The following TTN variants were observed in gnomAD, a reference collection of about 807,000 sequenced individuals.
The protein encoded by TTN is titin, also known as connectin.
TTN carries 1,525 observed loss-of-function variants against 3,223.0 expected under a neutral mutation model. The ratio of observed to expected loss-of-function variants is 0.47; its 90% CI spans 0.45 to 0.49. The LOEUF is 0.49. TTN is among the 20% of genes least tolerant of loss of function. The pLI is 0.00. For synonymous variants in TTN, 14,094 were observed against 15,161.0 expected, an observed-to-expected ratio of 0.93 and a Z score of 5.17; for missense variants, 40,786 against 43,424.0, an observed-to-expected ratio of 0.94 and a Z score of 5.40.
rs561151785 is a variant in TTN at position 178,734,179 on chromosome 2, C to G, written c.15496+149G>C. 139 of 971,850 alleles carry G rather than the reference C, an allele frequency of 1.4e-4. 3 individuals carry two copies. The East Asian group carries it at 3.2e-3, about 22-fold the overall frequency. 60.2% of individuals were successfully genotyped at this position (971,850 alleles called of 1,614,324 possible). On this transcript the variant is annotated intron_variant, in intron 52 of 362. Coordinates refer to ENST00000589042, the MANE Select transcript of TTN (RefSeq NM_001267550.2). Reference sequence around the variant, plus strand: ...CGGGAAAAAGACCAGGTGAAAGTTACTGACTTTGTTCCCAAGGTCCCAGGT... The same window carrying G: ...CGGGAAAAAGACCAGGTGAAAGTTAGTGACTTTGTTCCCAAGGTCCCAGGT...
Position 178,771,390 on chromosome 2 carries a change from G to A in TTN, c.7937C>T (p.Pro2646Leu), listed in dbSNP as rs1303067253. The change falls in exon 34 of 363, where the codon CCA (proline) becomes CTA (leucine). Residue 2646 changes from proline (P) to leucine (L), a missense_variant. Coordinates refer to ENST00000589042, the MANE Select transcript of TTN (RefSeq NM_001267550.2). ...EAVFECEVAN[P>L]DSKGEWLRDG... ...CCTCAACCATTCGCCTTTGGAATCT[G>A]GGTTGGCAACTTCACATTCAAACAC... 6.2e-7 allele frequency: 1 copy of A among 1,613,982 alleles called. No homozygotes were observed. Among genetic ancestry groups the A allele is most frequent in the East Asian group, 2.2e-5 (1 of 44,844 alleles).
intron 151 of TTN, among the ~76,000 whole-genome samples, 196 bp from the exon 152 acceptor site, chr2:178,673,906 A>C (rs2067493794): frequency 6.6e-6 from 1 of 151,804 alleles, no homozygotes; most frequent in Non-Finnish European, 1.5e-5. Context: ...AAGCAAATGT[A>C]ATACCAATTA....
chr2:178,605,477 C>T lies in TTN; in HGVS notation c.53818G>A (p.Val17940Ile). The part of the protein sequence containing the change: ...HQMYEFRVKA[V>I]NEIGESEPSL... ...GGTTCACTTTCACCAATTTCATTGA[C>T]AGCTTTGACACGGAACTCATACATT... The change falls in exon 279 of 363, where the codon GTC becomes ATC. Residue 17940 changes from valine (V) to isoleucine (I), a missense_variant. Transcript: ENST00000589042. 1 of 1,611,798 alleles carries T rather than the reference C, an allele frequency of 6.2e-7. No homozygotes were observed. Among genetic ancestry groups the T allele is most frequent in the Non-Finnish European group, 8.5e-7 (1 of 1,178,660 alleles).
In TTN at chr2:178,692,516, C is replaced by T. The variant is rs767178132; in HGVS notation, c.31659G>A (p.Val10553=). The T allele has an allele frequency of 1.9e-6, 3 of 1,585,754 alleles. No homozygotes were observed. Among genetic ancestry groups the T allele is most frequent in the Admixed American group, 3.6e-5 (2 of 55,952 alleles). The change falls in exon 120 of 363, where the codon GTG becomes GTA. Residue 10553 remains valine, a synonymous_variant. Transcript: ENST00000589042. The part of the protein sequence containing the change: ...EVAPVPIPKK[V]EPPAPKVPEV... ...TTCTACCTTTTGGTGCTGGGGGCTC[C>T]ACTTTTTTAGGGATAGGAACAGGGG...
chr2:178,567,569 A>G lies in TTN; in HGVS notation c.78563T>C (p.Val26188Ala), dbSNP rs149994923. 19 of 1,609,376 alleles carry G rather than the reference A, an allele frequency of 1.2e-5. No homozygotes were observed. The highest frequency in any genetic ancestry group is 5.0e-5 in the Admixed American group (3 of 59,708). Reference sequence around the variant, plus strand: ...ATCCATTGAAATTCTTGGGAGTTCAACCTCATCCTTGGCAGTTATTGGTCC... The same window carrying G: ...ATCCATTGAAATTCTTGGGAGTTCAGCCTCATCCTTGGCAGTTATTGGTCC... ...STGPITAKDE[V>A]ELPRISMDPK... The change falls in exon 326 of 363, where the codon GTT becomes GCT. Residue 26188 changes from valine (V) to alanine (A), a missense_variant. Physicochemically the swap from Val to Ala is moderately conservative, Grantham distance 64. Coordinates refer to ENST00000589042, the MANE Select transcript of TTN (RefSeq NM_001267550.2).
At position 178,799,540 on chromosome 2, in the gene TTN, T is replaced by A; in HGVS notation, c.861A>T (p.Arg287Ser). Residue 287 changes from arginine to serine, a missense_variant, in exon 6 of 363, where the codon AGA (arginine) becomes AGT (serine). By Grantham distance (110) the Arg-to-Ser change is moderately radical (BLOSUM62 -1). Transcript: ENST00000589042. Reference sequence around the variant, plus strand: ...CGTGTCTGACCGGGGAAGGGGAGTGTCTTATGGGCGATGGGGACTGCTGCC... The same window carrying A: ...CGTGTCTGACCGGGGAAGGGGAGTGACTTATGGGCGATGGGGACTGCTGCC... ...LARQQSPSPIRHSPSPVRHVR... is the reference protein window; with the variant it reads ...LARQQSPSPISHSPSPVRHVR... The A allele has an allele frequency of 2.5e-6, 4 of 1,613,996 alleles. No individual in the cohort carries two copies. Among genetic ancestry groups the A allele is most frequent in the Non-Finnish European group, 3.4e-6 (4 of 1,179,990 alleles).
At chr2:178,537,279 A>T (rs1314487990) in intron 355 of TTN, 36 bp from the exon 356 acceptor site, 2 of 1,541,732 alleles carry the variant, frequency 1.3e-6, no homozygotes, top group African/African-American at 2.8e-5. Context: ...TGGTTTTCAT[A>T]GTGTGTTTTT....
Position 178,611,266 on chromosome 2 carries a change from G to C in TTN, c.50863C>G (p.Pro16955Ala). 6.2e-7 allele frequency: 1 copy of C among 1,611,872 alleles called. No homozygotes were observed. The highest frequency in any genetic ancestry group is 8.5e-7 in the Non-Finnish European group (1 of 1,179,060). Residue 16955 changes from proline to alanine, a missense_variant, in exon 270 of 363, where the codon CCA becomes GCA. Physicochemically the swap from Pro to Ala is conservative, Grantham distance 27. Coordinates refer to ENST00000589042, the MANE Select transcript of TTN (RefSeq NM_001267550.2). ...TCATGAGTCTCCAGGTCAATTGTTGGCTTGCCTGTAAGATATCATTCAAAA... is the reference window on the plus strand; with the variant it reads ...TCATGAGTCTCCAGGTCAATTGTTGCCTTGCCTGTAAGATATCATTCAAAA... ...NVVAKDPDCK[P>A]TIDLETHDII...
rs1290451630 is a variant in TTN at position 178,688,795 on chromosome 2, A to C, written c.32096-17T>G. 2 of 1,568,480 alleles carry C rather than the reference A, an allele frequency of 1.3e-6. No homozygotes were observed. The highest frequency in any genetic ancestry group is 1.8e-6 in the Non-Finnish European group (2 of 1,140,252). ...AGACTTCAGCTTTAAGAAAGTGTTA[A>C]AGTTGAAGTTTAAAATCAAGAATTT... On this transcript the variant is annotated splice_polypyrimidine_tract_variant and intron_variant, in intron 125 of 362. Coordinates refer to ENST00000589042, the MANE Select transcript of TTN (RefSeq NM_001267550.2).
In TTN at chr2:178,572,362, A is replaced by G. The variant is rs201380749; in HGVS notation, c.73770T>C (p.Tyr24590=). 148 of 1,612,570 alleles carry G rather than the reference A, an allele frequency of 9.2e-5. No homozygotes were observed. Among genetic ancestry groups the G allele is most frequent in the East Asian group, 4.7e-4 (21 of 44,712 alleles). The change falls in exon 326 of 363, where the codon TAT becomes TAC. Residue 24590 remains tyrosine, a synonymous_variant. Transcript: ENST00000589042. The part of the protein sequence containing the change: ...VDQLQEGCSY[Y]FRVLAENEYG... ...ATTCATTTTCTGCGAGAACCCTGAA[A>G]TAGTAGCTACAGCCTTCTTGAAGCT...
rs2154139349 is a variant in TTN at position 178,538,775 on chromosome 2, C to CT, written c.99053dup (p.Trp33019ValfsTer5). 6.2e-7 allele frequency: 1 copy of CT among 1,613,696 alleles called. No homozygotes were observed. The highest frequency in any genetic ancestry group is 8.5e-7 in the Non-Finnish European group (1 of 1,179,714). On this transcript the variant is annotated frameshift_variant, in exon 354 of 363. Transcript: ENST00000589042. LOFTEE classifies it high-confidence loss of function. ...CACCATCACATTCAGGTTTCTCCCA[C>CT]TGTAGAGTGACACTATCTTTGGATA...
rs1707221923 is a variant in TTN at position 178,569,246 on chromosome 2, C to T, written c.76886G>A (p.Gly25629Glu). The T allele has an allele frequency of 1.2e-6, 2 of 1,603,790 alleles. No homozygotes were observed. Among genetic ancestry groups the T allele is most frequent in the South Asian group, 1.1e-5 (1 of 89,416 alleles). Residue 25629 changes from glycine (G) to glutamate (E), a missense_variant, in exon 326 of 363, where the codon GGG becomes GAG. Physicochemically the swap from Gly to Glu is moderately conservative, Grantham distance 98. Coordinates refer to ENST00000589042, the MANE Select transcript of TTN (RefSeq NM_001267550.2). ...SITWEPPLLD[G>E]GSKIKNYIVE... Reference sequence around the variant, plus strand: ...AATGTAATTTTTTATTTTGGATCCCCCATCCAACAAAGGAGGTTCCCATGT... The same window carrying T: ...AATGTAATTTTTTATTTTGGATCCCTCATCCAACAAAGGAGGTTCCCATGT...
Position 178,563,472 on chromosome 2 carries a change from C to G in TTN, c.82660G>C (p.Glu27554Gln). ...VAAENAAGVG[E>Q]PSEPSVFYRA... ...TAGAAAACAGATGGCTCACTAGGTT[C>G]TCCCACACCAGCTGCATTTTCAGCA... Residue 27554 changes from glutamate to glutamine, a missense_variant, in exon 326 of 363, where the codon GAA (glutamate) becomes CAA (glutamine). Transcript: ENST00000589042. This position sits in a 1 kb window ranked among gnomAD's most constrained non-coding sequence, Gnocchi z 4.5. 1 of 1,613,690 alleles carries G rather than the reference C, an allele frequency of 6.2e-7. No individual in the cohort carries two copies. The highest frequency in any genetic ancestry group is 1.3e-5 in the African/African-American group (1 of 75,022).
rs1368898022 is a variant in TTN, at chr2:178,607,520, AC to A, written c.53167del (p.Val17723LeufsTer7). 6.2e-7 allele frequency: 1 copy of A among 1,613,032 alleles called. No homozygotes were observed. The highest frequency in any genetic ancestry group is 1.3e-5 in the African/African-American group (1 of 74,832). On this transcript the variant is annotated frameshift_variant, in exon 277 of 363. Coordinates refer to ENST00000589042, the MANE Select transcript of TTN (RefSeq NM_001267550.2). LOFTEE classifies it high-confidence loss of function. ...LDKDRVVIDN[V>X]GTKSELIIKD... is the part of the protein sequence containing the mutation. ...GATAATTAGTTCAGATTTGGTTCCA[AC>A]GTTGTCTATTACAACACGGTCTTTA...
At chr2:178,648,471 A>T (rs185032392) in intron 213 of TTN, among the ~76,000 whole-genome samples, 127 of 152,018 alleles carry the variant, frequency 8.4e-4, no homozygotes, top group Admixed American at 2.3e-3. Flanking sequence ...GTGCAGTGGC[A>T]TTATCTCAGC....
chr2:178,536,267 G>A lies in TTN; in HGVS notation c.100480C>T (p.Gln33494Ter). The change falls in exon 357 of 363, where the codon CAG becomes TAG. Residue 33494 changes from glutamine to a stop codon, truncating the protein, a stop_gained. Transcript: ENST00000589042. LOFTEE classifies it high-confidence loss of function. ...PITPKSDVPIQAPHFKEELRN... is the reference protein window; with the variant it reads ...PITPKSDVPI ...AGTTCCTCTTTAAAGTGTGGTGCCT[G>A]AATTGGGACATCAGATTTGGGAGTG... The A allele has an allele frequency of 6.2e-7, 1 of 1,613,626 alleles. No individual in the cohort carries two copies. The highest frequency in any genetic ancestry group is 8.5e-7 in the Non-Finnish European group (1 of 1,179,734).
rs747885095 is a variant in TTN at position 178,587,924 on chromosome 2, T to C, written c.63483A>G (p.Glu21161=). The change falls in exon 305 of 363, where the codon GAA becomes GAG. Residue 21161 remains glutamate, a synonymous_variant. Coordinates refer to ENST00000589042, the MANE Select transcript of TTN (RefSeq NM_001267550.2). ...VGIGRPAELK[E]AIKPKEILEP... is the part of the protein sequence containing the mutation. ...CTAGTATTTCTTTAGGTTTGATAGC[T>C]TCCTTTAGCTCTGCAGGGCGCCCAA... 2.3e-5 allele frequency: 37 copies of C among 1,599,888 alleles called. No homozygotes were observed. The highest frequency in any genetic ancestry group is 2.8e-5 in the Non-Finnish European group (33 of 1,171,216).
chr2:178,564,611 G>C lies in TTN; in HGVS notation c.81521C>G (p.Pro27174Arg). 2 of 1,613,510 alleles carry C rather than the reference G, an allele frequency of 1.2e-6. No individual in the cohort carries two copies. Among genetic ancestry groups the C allele is most frequent in the Non-Finnish European group, 1.7e-6 (2 of 1,179,666 alleles). The stretch of plus-strand genomic sequence containing the variant: ...AATAACAATGGCTTCAGGGCGACCA[G>C]GTGGGTCACATGGATCACGAGCAAC... ...CFVARDPCDP[P>R]GRPEAIVITR... Residue 27174 changes from proline to arginine, a missense_variant, in exon 326 of 363, where the codon CCT becomes CGT. Physicochemically the swap from Pro to Arg is moderately radical, Grantham distance 103. Transcript: ENST00000589042.
chr2:178,539,815 C>T lies in TTN; in HGVS notation c.98250G>A (p.Met32750Ile). ...CAGTGTGTGTTTCAGATGTTGCAAT[C>T]ATGGCACGCTTACTAATATCCTGGC... ...KEGQDISKRAMIATSETHTEL... is the reference protein window; with the variant it reads ...KEGQDISKRAIIATSETHTEL... The change falls in exon 352 of 363, where the codon ATG (methionine) becomes ATA (isoleucine). Residue 32750 changes from methionine to isoleucine, a missense_variant. Met to Ile is a conservative substitution (Grantham distance 10, BLOSUM62 1). Coordinates refer to ENST00000589042, the MANE Select transcript of TTN (RefSeq NM_001267550.2). 2 of 1,613,870 alleles carry T rather than the reference C, an allele frequency of 1.2e-6. No individual in the cohort carries two copies. The highest frequency in any genetic ancestry group is 1.7e-6 in the Non-Finnish European group (2 of 1,179,788).
Sources: gnomAD v4.1 joint callset for allele counts (sites outside exome capture counted in the v4.1 genomes callset) on GRCh38, gnomAD v4.1.1 for gene constraint, Gnocchi (gnomAD v3.1) non-coding constraint, MANE v1.5 for transcripts, NCBI Gene and HGNC (gene_info 2026-07-23, HGNC 2026-07-21) for gene names.